CUL7: variants seen among roughly 807,000 people sequenced by gnomAD.
CUL7 encodes the protein cullin-7.
Under a neutral mutation model 177.7 loss-of-function variants are expected in CUL7, and 96 were observed. The ratio of observed to expected loss-of-function variants is 0.54; its 90% CI spans 0.46 to 0.64. The LOEUF (loss-of-function observed/expected upper bound fraction) is 0.64, where lower values mean the gene tolerates loss of function less well. Among genes scored for constraint, CUL7 ranks in the 30% least tolerant of loss-of-function variants. The pLI is 0.00. For missense variants in CUL7, 1,893 were observed against 2,187.9 expected (o/e 0.87, Z 2.69); for synonymous variants, 824 against 890.2 (o/e 0.93, Z 1.32).
intron 22 of CUL7, among the ~76,000 whole-genome samples, chr6:43,039,531 C>G (rs1439289266): frequency 6.6e-6 from 1 of 152,006 alleles, no homozygotes; most frequent in Admixed American, 6.6e-5. Flanking sequence ...CAAAGAGATT[C>G]CCAGGTCTTA....
intron 9 of CUL7, among the ~76,000 whole-genome samples, chr6:43,047,538 G>A (rs1267021541): frequency 3.3e-5 from 5 of 152,186 alleles, no homozygotes; most frequent in African/African-American, 1.2e-4. Flanking sequence ...GCCTTAGAAA[G>A]TAAATTCTAG....
At position 43,046,904 on chromosome 6, in the gene CUL7, G is replaced by T; in HGVS notation, c.2373C>A (p.Thr791=). The change falls in exon 10 of 26, where the codon ACC becomes ACA. Residue 791 remains threonine (T), a synonymous_variant. Coordinates refer to ENST00000265348, the MANE Select transcript of CUL7 (RefSeq NM_014780.5). ...CCTGGATGCAGCCTCCCAGGATGTT[G>T]GTGATGAGTTTGCGGTAGAGGTGGG... ...KHAHLYRKLI[T]NILGGCIQMV... 1 of 1,607,494 alleles carries T rather than the reference G, an allele frequency of 6.2e-7. No homozygotes were observed. Among genetic ancestry groups the T allele is most frequent in the Non-Finnish European group, 8.5e-7 (1 of 1,173,986 alleles).
At position 43,038,266 on chromosome 6, in the gene CUL7, CCAGA is replaced by C. The variant is rs2150304168; in HGVS notation, c.4770_4773del (p.Cys1590TrpfsTer44). ...CACCCATTGTGCCCACCCCTGCCTACCAGACAGACAAGCTGGTCAATGTGCAGCC... is the reference window on the plus strand; with the variant it reads ...CACCCATTGTGCCCACCCCTGCCTACCAGACAAGCTGGTCAATGTGCAGCC... On this transcript the variant is annotated frameshift_variant and splice_region_variant, in exon 25 of 26. Transcript: ENST00000265348. LOFTEE classifies it high-confidence loss of function. The C allele has an allele frequency of 6.2e-7, 1 of 1,614,136 alleles. No homozygotes were observed. The highest frequency in any genetic ancestry group is 8.5e-7 in the Non-Finnish European group (1 of 1,180,018).
Position 43,046,942 on chromosome 6 carries a change from A to G in CUL7, c.2335T>C (p.Cys779Arg). 6.2e-7 allele frequency: 1 copy of G among 1,613,548 alleles called. No individual in the cohort carries two copies. Among genetic ancestry groups the G allele is most frequent in the Non-Finnish European group, 8.5e-7 (1 of 1,179,600 alleles). Residue 779 changes from cysteine (C) to arginine (R), a missense_variant, in exon 10 of 26, where the codon TGT becomes CGT. Cys to Arg is a radical substitution (Grantham distance 180). Around this residue, in one of 5 missense-constraint regions of CUL7, gnomAD observed 973 missense variants for 1,140.9 expected, o/e 0.85. Transcript: ENST00000265348. The stretch of plus-strand genomic sequence containing the variant: ...CGGTAGAGGTGGGCATGCTTCTCAC[A>G]CTTGAACACCATGTCCCGCAGCTCC... ...AQELRDMVFKCEKHAHLYRKL... is the reference protein window; with the variant it reads ...AQELRDMVFKREKHAHLYRKL...
At chr6:43,042,629 C>T (rs948297636) in intron 19 of CUL7, among the ~76,000 whole-genome samples, 173 bp downstream of exon 19, 1 of 152,202 alleles carries the variant, frequency 6.6e-6, no homozygotes, top group Non-Finnish European at 1.5e-5. Context: ...GCATGAGCCA[C>T]CACACCTGGC....
intron 7 of CUL7, 98 bp from the exon 8 acceptor site, chr6:43,048,667 TA>T (rs1223959586): frequency 2.3e-6 from 2 of 886,860 alleles, no homozygotes; most frequent in Non-Finnish European, 3.5e-6. Flanking sequence ...TAATTTCTCC[TA>T]AAAAATGTTT....
At position 43,053,205 on chromosome 6, in the gene CUL7, C is replaced by A. The variant is rs1581971587; in HGVS notation, c.-8-409G>T. Among the ~76,000 whole-genome samples the A allele has an allele frequency of 6.6e-6, 1 of 152,094 alleles. No individual in the cohort carries two copies. On this transcript the variant is annotated intron_variant, in intron 1 of 25. Transcript: ENST00000265348. The surrounding 1 kb of genome is among the most constrained non-coding windows in gnomAD (Gnocchi z 4.1). Reference sequence around the variant, plus strand: ...TCGTGAGTGTGTGTGAAAAGGGGTGCTGTCTCTAAGGATTGGAGCATGGGA... The same window carrying A: ...TCGTGAGTGTGTGTGAAAAGGGGTGATGTCTCTAAGGATTGGAGCATGGGA...
intron 9 of CUL7, 21 bp downstream of exon 9, chr6:43,048,127 C>T (rs1206271893): frequency 6.5e-7 from 1 of 1,543,856 alleles, no homozygotes; most frequent in Non-Finnish European, 8.9e-7. Flanking sequence ...CCAGCCTCTC[C>T]CCAGAGCAGG....
At position 43,045,112 on chromosome 6, in the gene CUL7, T is replaced by G. The variant is rs1234121435; in HGVS notation, c.3038+115A>C. 16 of 1,416,622 alleles carry G rather than the reference T, an allele frequency of 1.1e-5. No individual in the cohort carries two copies. Among genetic ancestry groups the G allele is most frequent in the Non-Finnish European group, 1.6e-5 (16 of 1,030,764 alleles). 87.8% of individuals were successfully genotyped at this position (1,416,622 alleles called of 1,614,324 possible). On this transcript the variant is annotated intron_variant, in intron 15 of 25. Transcript: ENST00000265348. This position sits in a 1 kb window ranked among gnomAD's most constrained non-coding sequence, Gnocchi z 4.8. ...CACAGCTCAGAAAACTCCAGCCCCC[T>G]CCCCACGCATATTAAACCTCCATCT...
In CUL7 at chr6:43,046,249, C is replaced by T. The variant is rs368465274; in HGVS notation, c.2647G>A (p.Gly883Ser). 1 of 1,614,188 alleles carries T rather than the reference C, an allele frequency of 6.2e-7. No homozygotes were observed. Among genetic ancestry groups the T allele is most frequent in the Non-Finnish European group, 8.5e-7 (1 of 1,180,052 alleles). ...SHYITLHMRR[G>S]ILIRQLTLLV... ...TGGGAGAGTTACCTGATGAGGATGC[C>T]CCGGCGCATGTGCAGGGTGATGTAG... Residue 883 changes from glycine (G) to serine (S), a missense_variant, in exon 12 of 26, where the codon GGC (glycine) becomes AGC (serine). Around this residue, in one of 5 missense-constraint regions of CUL7, gnomAD observed 973 missense variants for 1,140.9 expected, o/e 0.85. Coordinates refer to ENST00000265348, the MANE Select transcript of CUL7 (RefSeq NM_014780.5).
chr6:43,048,593 G>T, intron 7 of CUL7, 24 bp from the exon 8 acceptor site: 1 of 1,547,200 alleles, frequency 6.5e-7, no homozygotes, highest in Non-Finnish European at 8.9e-7. Flanking sequence ...ACAGTCACAG[G>T]AGTTGGCCAT....
chr6:43,040,563 G>C lies in CUL7; in HGVS notation c.3990C>G (p.Leu1330=), dbSNP rs1289879511. ...TCTTCTCTGTATCCTCCAGCTTCAG[G>C]AGTTCCTGATCCAGCTGCTGGAGCT... ...VYQLQQLDQE[L]LKLEDTEKKI... Residue 1330 remains leucine (L), a synonymous_variant, in exon 21 of 26, where the codon CTC becomes CTG. Coordinates refer to ENST00000265348, the MANE Select transcript of CUL7 (RefSeq NM_014780.5). The surrounding 1 kb of genome is among the most constrained non-coding windows in gnomAD (Gnocchi z 4.2). The C allele has an allele frequency of 6.2e-7, 1 of 1,614,066 alleles. No homozygotes were observed. Among genetic ancestry groups the C allele is most frequent in the Admixed American group, 1.7e-5 (1 of 60,000 alleles).
intron 7 of CUL7, among the ~76,000 whole-genome samples, chr6:43,049,153 C>T (rs942539609): frequency 6.6e-6 from 1 of 152,214 alleles, no homozygotes; most frequent in Non-Finnish European, 1.5e-5. Context: ...GAATATGTTT[C>T]TGTACAAGAG....
rs763936436 is a variant in CUL7 at position 43,047,014 on chromosome 6, T to C, written c.2263A>G (p.Ile755Val). The stretch of plus-strand genomic sequence containing the variant: ...AGGTGCTTTTCCAGGGCCTTGGAGA[T>C]AGCGTCTCTTGCTCCCAGCTGATTC... ...VLNQLGARDAISKALEKHLGK... is the reference protein window; with the variant it reads ...VLNQLGARDAVSKALEKHLGK... The change falls in exon 10 of 26, where the codon ATC (isoleucine) becomes GTC (valine). Residue 755 changes from isoleucine (I) to valine (V), a missense_variant. Transcript: ENST00000265348. 4.3e-6 allele frequency: 7 copies of C among 1,612,302 alleles called. No individual in the cohort carries two copies. The South Asian group carries it at 4.4e-5, about 10-fold the overall frequency.
intron 9 of CUL7, among the ~76,000 whole-genome samples, chr6:43,047,482 G>T (rs892319069): frequency 6.6e-6 from 1 of 152,132 alleles, no homozygotes; most frequent in African/African-American, 2.4e-5. Flanking sequence ...GCTGGGAAGG[G>T]GCTGACAGGG....
At chr6:43,038,166 G>A (rs1404392533) in intron 25 of CUL7, 101 bp downstream of exon 25, 7 of 1,502,068 alleles carry the variant, frequency 4.7e-6, no homozygotes, top group African/African-American at 2.8e-5. Flanking sequence ...AGGCTACACA[G>A]TGAACCAGGT....
rs1247699774 is a variant in CUL7, at chr6:43,053,783, G to T, written c.-170C>A. 5 of 1,531,606 alleles carry T rather than the reference G, an allele frequency of 3.3e-6. No individual in the cohort carries two copies. Among genetic ancestry groups the T allele is most frequent in the Non-Finnish European group, 4.4e-6 (5 of 1,145,438 alleles). 94.9% of individuals were successfully genotyped at this position (1,531,606 alleles called of 1,614,324 possible). On this transcript the variant is annotated 5_prime_UTR_variant, in exon 1 of 26. Coordinates refer to ENST00000265348, the MANE Select transcript of CUL7 (RefSeq NM_014780.5). This position sits in a 1 kb window ranked among gnomAD's most constrained non-coding sequence, Gnocchi z 4.1. ...CTCCGCGGAACAGAGCTGCACCCGC[G>T]TGAGTCGGCAGCCACTGGGGCAGGG...
At chr6:43,049,068 G>A (rs545155136) in intron 7 of CUL7, among the ~76,000 whole-genome samples, 9 of 152,158 alleles carry the variant, frequency 5.9e-5, no homozygotes, top group Non-Finnish European at 7.4e-5. Context: ...CACCATGCCC[G>A]GCCTTTATAT....
intron 22 of CUL7, 145 bp from the exon 23 acceptor site, chr6:43,039,132 G>C: frequency 3.0e-6 from 2 of 660,154 alleles, no homozygotes; most frequent in Non-Finnish European, 5.5e-6. Context: ...TCTGGTCTGA[G>C]CTTCCAGATC....
Sources: gnomAD v4.1 joint callset for allele counts (sites outside exome capture counted in the v4.1 genomes callset) on GRCh38, gnomAD v4.1.1 for gene constraint, gnomAD v4.1.1 regional missense constraint, Gnocchi (gnomAD v3.1) non-coding constraint, MANE v1.5 for transcripts, NCBI Gene and HGNC (gene_info 2026-07-23, HGNC 2026-07-21) for gene names.